CDYL: variants seen among roughly 807,000 people sequenced by gnomAD.
The protein encoded by CDYL is chromodomain Y like.
Under a neutral mutation model 47.3 loss-of-function variants are expected in CDYL, and 8 were observed. The ratio of observed to expected loss-of-function variants is 0.17; its 90% confidence interval spans 0.10 to 0.31. The LOEUF (loss-of-function observed/expected upper bound fraction) is 0.31. CDYL is among the 10% of genes least tolerant of loss of function. CDYL has a pLI of 1.00. For synonymous variants in CDYL, 266 were observed against 265.0 expected (o/e 1.00, Z -0.04); for missense variants, 471 against 701.4 (o/e 0.67, Z 3.71).
At position 4,767,587 on chromosome 6, in the gene CDYL, C is replaced by T. The variant is rs371470520; in HGVS notation, c.186+32743C>T. ...GACACCCTCGAGAGGAGAGGAGAGG[C>T]GAGATGAGGGGAGGGGAGGGGAGGG... On this transcript the variant is annotated intron_variant, in intron 3 of 8. Coordinates refer to the CDYL transcript ENST00000328908. Among the ~76,000 whole-genome samples the T allele has an allele frequency of 5.9e-4, 82 of 139,302 alleles. 2 individuals are homozygous for T. Among genetic ancestry groups the T allele is most frequent in the African/African-American group, 1.9e-3 (72 of 37,230 alleles). 91.4% of individuals were successfully genotyped at this position (139,302 alleles called of 152,430 possible). A position where few individuals can be genotyped will look rare whatever the true frequency, so the allele number is the denominator to read the frequency against.
At chr6:4,798,704 T>C (rs1759143244) in intron 1 of CDYL, among the ~76,000 whole-genome samples, 1 of 152,226 alleles carries the variant, frequency 6.6e-6, no homozygotes, top group African/African-American at 2.4e-5. Flanking sequence ...GGAAGCACTT[T>C]CTCTGTTTCT....
intron 1 of CDYL, among the ~76,000 whole-genome samples, chr6:4,817,081 G>A (rs1230337580): frequency 6.6e-6 from 1 of 152,046 alleles, no homozygotes; most frequent in African/African-American, 2.4e-5. Context: ...ATTGTGTCTT[G>A]CCTGTTGTAT....
intron 1 of CDYL, among the ~76,000 whole-genome samples, chr6:4,787,198 C>T (rs974379939): frequency 2.6e-5 from 4 of 151,980 alleles, no homozygotes; most frequent in African/African-American, 9.7e-5. Context: ...AAGCAAGAGG[C>T]GAGTGATTAT....
chr6:4,795,256 C>T (rs1049703681), intron 1 of CDYL, among the ~76,000 whole-genome samples: 1 of 151,868 alleles, frequency 6.6e-6, no homozygotes, highest in Non-Finnish European at 1.5e-5. Context: ...TTGTTTTACC[C>T]TTATTTTTAT....
At chr6:4,731,007 C>G (rs889121286) in intron 2 of CDYL, among the ~76,000 whole-genome samples, 4 of 152,192 alleles carry the variant, frequency 2.6e-5, no homozygotes, top group African/African-American at 4.8e-5. Flanking sequence ...TTTGCTGCTT[C>G]TTTGCATGTT....
At chr6:4,750,391 C>T (rs560479074) in intron 3 of CDYL, among the ~76,000 whole-genome samples, 2 of 151,772 alleles carry the variant, frequency 1.3e-5, no homozygotes, top group African/African-American at 2.4e-5. Context: ...TTAAAAGAGA[C>T]GGGGTTTCAC....
intron 5 of CDYL, 38 bp downstream of exon 5, chr6:4,943,794 C>A: frequency 2.4e-6 from 3 of 1,261,532 alleles, no homozygotes; most frequent in Non-Finnish European, 3.3e-6. Context: ...AAAAGTCATT[C>A]TAGAAAGCTT....
In CDYL at chr6:4,827,002, A is replaced by G. The variant is rs149311925; in HGVS notation, c.24+50195A>G. Among the ~76,000 whole-genome samples the G allele has an allele frequency of 4.1e-3, 622 of 152,294 alleles. 1 individual carries two copies. The highest frequency in any genetic ancestry group is 0.014 in the African/African-American group (581 of 41,552). Reference sequence around the variant, plus strand: ...TTTGGAGCACTGTTGTTTGGTGCTTACATGTTTATAATTGTTATATTTTCT... The same window carrying G: ...TTTGGAGCACTGTTGTTTGGTGCTTGCATGTTTATAATTGTTATATTTTCT... On this transcript the variant is annotated intron_variant, in intron 1 of 6. Coordinates refer to ENST00000397588, the MANE Select transcript of CDYL (RefSeq NM_004824.4).
At chr6:4,776,225 G>T (rs907016243), upstream of CDYL, among the ~76,000 whole-genome samples, 1 of 138,094 alleles carries the variant, frequency 7.2e-6, no homozygotes, top group Non-Finnish European at 1.6e-5. Context: ...GCTCGCTCCC[G>T]GCCCCGCCGG....
intron 2 of CDYL, among the ~76,000 whole-genome samples, chr6:4,720,930 A>G (rs1040101938): frequency 6.6e-6 from 1 of 152,176 alleles, no homozygotes; most frequent in Admixed American, 6.5e-5. Flanking sequence ...GTAAAAATGA[A>G]CTCTATTCCA....
chr6:4,927,428 C>CGTGTGTGTGTGTGTGTGTGTGTGTGTGT (rs35317751), intron 2 of CDYL, among the ~76,000 whole-genome samples: 2 of 142,458 alleles, frequency 1.4e-5, no homozygotes, highest in African/African-American at 2.7e-5. Flanking sequence ...ATTTACTGTA[C>CGTGTGTGTGTGTGTGTGTGTGTGTGTGT]GTGTGTGTGT....
chr6:4,849,697 A>G (rs1024807270), intron 1 of CDYL, among the ~76,000 whole-genome samples: 3 of 151,468 alleles, frequency 2.0e-5, no homozygotes, highest in Middle Eastern at 3.4e-3. Context: ...AAAAAAAAAA[A>G]GTCTCTTCCT....
upstream of CDYL, chr6:4,772,928 T>C (rs1561843320): frequency 2.8e-6 from 1 of 356,732 alleles, no homozygotes; most frequent in African/African-American, 2.1e-5. Context: ...TGGATGCCTT[T>C]GGATTCAAAT....
intron 3 of CDYL, among the ~76,000 whole-genome samples, chr6:4,760,794 T>C (rs1288657606): frequency 1.3e-5 from 2 of 150,830 alleles, no homozygotes; most frequent in Non-Finnish European, 2.9e-5. Flanking sequence ...CTGTCAAAGA[T>C]AAGAGTAACT....
At chr6:4,830,735 C>A in intron 1 of CDYL, among the ~76,000 whole-genome samples, 1 of 146,578 alleles carries the variant, frequency 6.8e-6, no homozygotes, top group Admixed American at 6.8e-5. Context: ...GTATATCTCC[C>A]AATGCTATCC....
chr6:4,884,675 C>T (rs896914306), intron 1 of CDYL, among the ~76,000 whole-genome samples: 6 of 152,202 alleles, frequency 3.9e-5, no homozygotes, highest in African/African-American at 1.4e-4. Context: ...AGTTTGTTTA[C>T]TGCGCTGTAG....
At position 4,954,281 on chromosome 6, in the gene CDYL, A is replaced by G. The variant is rs906116875; in HGVS notation, c.*225A>G. Reference sequence around the variant, plus strand: ...TTCTTTGTCCAAACGTCATTATTTTATACTTATATACACGCAGGTGTAAAA... The same window carrying G: ...TTCTTTGTCCAAACGTCATTATTTTGTACTTATATACACGCAGGTGTAAAA... On this transcript the variant is annotated 3_prime_UTR_variant, in exon 7 of 7. Transcript: ENST00000397588. 2.4e-5 allele frequency: 10 copies of G among 420,726 alleles called. No individual in the cohort carries two copies. Among genetic ancestry groups the G allele is most frequent in the Non-Finnish European group, 3.8e-5 (9 of 236,436 alleles). The allele number at this position is 420,726 out of a possible 1,614,324, so 26.1% of individuals were successfully genotyped here. A position where few individuals can be genotyped will look rare whatever the true frequency, so the allele number is the denominator to read the frequency against.
At chr6:4,933,299 A>G (rs1581275267) in intron 2 of CDYL, among the ~76,000 whole-genome samples, 1 of 152,042 alleles carries the variant, frequency 6.6e-6, no homozygotes, top group African/African-American at 2.4e-5. Context: ...GGCTATGCAC[A>G]TCTCCACCTG....
intron 3 of CDYL, among the ~76,000 whole-genome samples, chr6:4,747,133 C>G (rs1222880687): frequency 6.6e-6 from 1 of 151,950 alleles, no homozygotes; most frequent in African/African-American, 2.4e-5. Context: ...ATGGTGAAAC[C>G]CTGTCTCTAT....
Sources: gnomAD v4.1 joint callset for allele counts (sites outside exome capture counted in the v4.1 genomes callset) on GRCh38, gnomAD v4.1.1 for gene constraint, MANE v1.5 for transcripts, NCBI Gene and HGNC (gene_info 2026-07-23, HGNC 2026-07-21) for gene names.